Variants in CEP63 observed in about 807,000 individuals in gnomAD.
The protein encoded by CEP63 is centrosomal protein 63.
CEP63 carries 84 observed loss-of-function variants against 89.1 expected under a neutral mutation model. That is an observed-to-expected ratio of 0.94 (90% confidence interval 0.79 to 1.13). The LOEUF (loss-of-function observed/expected upper bound fraction) is 1.13, where lower values mean the gene tolerates loss of function less well. Ranked by LOEUF, CEP63 falls within the 50% of genes most tolerant of loss-of-function variation. CEP63 has a pLI of 0.00. For synonymous variants in CEP63, 267 were observed against 272.5 expected (o/e 0.98, Z 0.20); for missense variants, 838 against 813.3 (o/e 1.03, Z -0.37).
downstream of CEP63, among the ~76,000 whole-genome samples, chr3:134,568,556 G>A (rs923425800): frequency 6.6e-6 from 1 of 152,106 alleles, no homozygotes; most frequent in African/African-American, 2.4e-5. Context: ...CCCAGCAGTA[G>A]CCTGTTCATA....
chr3:134,760,844 C>T, the CEP63 span, among the ~76,000 whole-genome samples: 6 of 152,120 alleles, frequency 3.9e-5, no homozygotes, highest in Admixed American at 3.9e-4. Flanking sequence ...TGGGGCACCT[C>T]CGGACTTGGA....
At chr3:134,538,539 A>ATATATGTG (rs1951298863) in intron 6 of CEP63, among the ~76,000 whole-genome samples, 2 of 138,364 alleles carry the variant, frequency 1.4e-5, no homozygotes, top group African/African-American at 5.1e-5. Flanking sequence ...GTGTGTATAT[A>ATATATGTG]TATATATATA....
At chr3:134,610,201 G>A in the CEP63 span, 1 of 1,612,226 alleles carries the variant, frequency 6.2e-7, no homozygotes, top group Non-Finnish European at 8.5e-7. Context: ...TTACAGGAAG[G>A]TGAATTTGGA....
chr3:134,557,895 A>G (rs1276841185), intron 12 of CEP63, among the ~76,000 whole-genome samples: 1 of 151,926 alleles, frequency 6.6e-6, no homozygotes, highest in East Asian at 1.9e-4. Context: ...TCCTGATTCC[A>G]TCCTTCCTCC....
chr3:134,532,718 T>C (rs1577121779), intron 4 of CEP63, 60 bp from the exon 5 acceptor site: 1 of 1,416,084 alleles, frequency 7.1e-7, no homozygotes, highest in East Asian at 2.3e-5. Context: ...TACCAATTTG[T>C]CTCACCACTA....
chr3:134,653,285 A>C, the CEP63 span, among the ~76,000 whole-genome samples: 1 of 152,236 alleles, frequency 6.6e-6, no homozygotes, highest in African/African-American at 2.4e-5. Flanking sequence ...TATTGTGAGA[A>C]CTTAGAATGT....
At chr3:134,745,222 T>C in the CEP63 span, among the ~76,000 whole-genome samples, 3 of 152,208 alleles carry the variant, frequency 2.0e-5, no homozygotes, top group African/African-American at 4.8e-5. Flanking sequence ...AACAATTCTT[T>C]GTTACCCAGT....
rs138068727 is a variant in CEP63, at chr3:134,559,335, C to T, written c.1859C>T (p.Thr620Ile). 27 of 1,614,138 alleles carry T rather than the reference C, an allele frequency of 1.7e-5. No homozygotes were observed. The African/African-American group carries it at 3.3e-4, about 20-fold the overall frequency. ...TTGACTTCCTACTCTCTATGTAAAA[C>T]TCATTCTTTGCCTTCAGCGCTAGAT... ...RSLTSYSLCK[T>I]HSLPSALDTN... is the part of the protein sequence containing the mutation. Residue 620 changes from threonine to isoleucine, a missense_variant, in exon 14 of 15, where the codon ACT (threonine) becomes ATT (isoleucine). Physicochemically the swap from Thr to Ile is moderately conservative, Grantham distance 89 (BLOSUM62 -1). Coordinates refer to ENST00000675561, the MANE Select transcript of CEP63 (RefSeq NM_001353108.3).
chr3:134,495,523 G>A (rs1477970747), intron 2 of CEP63, among the ~76,000 whole-genome samples, 159 bp downstream of exon 2: 1 of 151,924 alleles, frequency 6.6e-6, no homozygotes, highest in Non-Finnish European at 1.5e-5. Context: ...TTTTGTGTTG[G>A]GAACATTTCA....
At chr3:134,531,456 G>A (rs1446762387) in intron 3 of CEP63, among the ~76,000 whole-genome samples, 2 of 152,150 alleles carry the variant, frequency 1.3e-5, no homozygotes, top group Non-Finnish European at 1.5e-5. Flanking sequence ...GGTGGCATGC[G>A]CCTGTAATCC....
At chr3:134,749,494 A>C in the CEP63 span, among the ~76,000 whole-genome samples, 3 of 152,048 alleles carry the variant, frequency 2.0e-5, no homozygotes, top group African/African-American at 7.2e-5. Flanking sequence ...GAATGGAAGG[A>C]AAAATGTCTA....
At chr3:134,547,566 A>G in intron 9 of CEP63, 94 bp downstream of exon 9, 1 of 1,000,536 alleles carries the variant, frequency 1.0e-6, no homozygotes, top group Non-Finnish European at 1.4e-6. Flanking sequence ...CATAGTAAAA[A>G]AAATAAGATT....
At chr3:134,763,051 G>A in the CEP63 span, among the ~76,000 whole-genome samples, 1 of 152,122 alleles carries the variant, frequency 6.6e-6, no homozygotes, top group Non-Finnish European at 1.5e-5. Flanking sequence ...GAGGGCAGGA[G>A]TAGTGGCATC....
chr3:134,593,617 G>A, the CEP63 span, among the ~76,000 whole-genome samples: 1 of 152,100 alleles, frequency 6.6e-6, no homozygotes. Flanking sequence ...GGTCCACAGG[G>A]CTTCTCCAAG....
chr3:134,561,157 C>A (rs561279884), intron 14 of CEP63, among the ~76,000 whole-genome samples: 1 of 152,262 alleles, frequency 6.6e-6, no homozygotes, highest in East Asian at 1.9e-4. Context: ...TACATTGTTA[C>A]AATTTGGGTC....
rs377544001 is a variant in CEP63 at position 134,556,186 on chromosome 3, G to C, written c.1468-1956G>C. Among the ~76,000 whole-genome samples, 9 of 151,000 alleles carry C rather than the reference G, an allele frequency of 6.0e-5. No homozygotes were observed. The East Asian group carries it at 9.7e-4, about 16-fold the overall frequency. ...CATAAAAACCCTAGAAGAAAACCTA[G>C]GCAATACCATTCAGGACATAGGCAT... On this transcript the variant is annotated intron_variant, in intron 12 of 14. Transcript: ENST00000675561.
chr3:134,502,914 G>A (rs1448069805), intron 2 of CEP63, among the ~76,000 whole-genome samples: 1 of 151,948 alleles, frequency 6.6e-6, no homozygotes, highest in African/African-American at 2.4e-5. Flanking sequence ...TAATGTAGGT[G>A]TTTAGAGCTG....
At chr3:134,504,584 G>T (rs1942973836) in intron 2 of CEP63, among the ~76,000 whole-genome samples, 1 of 152,164 alleles carries the variant, frequency 6.6e-6, no homozygotes, top group Non-Finnish European at 1.5e-5. Flanking sequence ...CCTTAGAGAA[G>T]ACCTTTTTAG....
chr3:134,627,823 AAT>A, the CEP63 span: 2 of 1,610,902 alleles, frequency 1.2e-6, no homozygotes, highest in Non-Finnish European at 1.7e-6. Flanking sequence ...GTAAACCTAC[AAT>A]ATTCCAAAGA....
Sources: gnomAD v4.1 joint callset for allele counts (sites outside exome capture counted in the v4.1 genomes callset) on GRCh38, gnomAD v4.1.1 for gene constraint, MANE v1.5 for transcripts, NCBI Gene and HGNC (gene_info 2026-07-23, HGNC 2026-07-21) for gene names.